The following NAV3 variants were observed in gnomAD, a reference collection of about 807,000 sequenced individuals.
The protein encoded by NAV3 is pore membrane and/or filament interacting like protein 1.
NAV3 carries 87 observed loss-of-function variants against 244.7 expected under a neutral mutation model. That is an observed-to-expected ratio of 0.36 (90% confidence interval 0.30 to 0.42). The LOEUF (loss-of-function observed/expected upper bound fraction) is 0.42, where lower values mean the gene tolerates loss of function less well. Ranked by LOEUF, NAV3 falls within the 20% of genes least tolerant of loss-of-function variation. NAV3 has a pLI of 1.00. For missense variants in NAV3, 2,663 were observed against 2,893.3 expected, an observed-to-expected ratio of 0.92 and a Z score of 1.83; for synonymous variants, 1,126 against 1,042.2, an observed-to-expected ratio of 1.08 and a Z score of -1.55.
chr12:77,951,244 C>T (rs201475719), intron 3 of NAV3, among the ~76,000 whole-genome samples: 2 of 152,152 alleles, frequency 1.3e-5, no homozygotes, highest in Non-Finnish European at 2.9e-5. Context: ...ATAACCCCAT[C>T]AACAAGTGGG....
intron 2 of NAV3, among the ~76,000 whole-genome samples, chr12:77,637,307 C>A (rs1268680959): frequency 6.6e-6 from 1 of 151,796 alleles, no homozygotes; most frequent in African/African-American, 2.4e-5. Flanking sequence ...ATTTATGAAA[C>A]TTTACTTGCA....
chr12:78,116,879 C>T lies in NAV3; in HGVS notation c.2744C>T (p.Thr915Ile), dbSNP rs1262871169. Residue 915 changes from threonine to isoleucine, a missense_variant, in exon 13 of 40, where the codon ACC becomes ATC. Thr to Ile is a moderately conservative substitution (Grantham distance 89). Transcript: ENST00000397909. Reference sequence around the variant, plus strand: ...TCTGTCAGCTCTTACTCCAACATCACCGTCCCCTCTAGGAAGAATACTCAG... The same window carrying T: ...TCTGTCAGCTCTTACTCCAACATCATCGTCCCCTCTAGGAAGAATACTCAG... Reference protein sequence around the residue: ...TSSVSSYSNITVPSRKNTQLR... With the variant: ...TSSVSSYSNIIVPSRKNTQLR... The T allele has an allele frequency of 6.2e-7, 1 of 1,612,958 alleles. No homozygotes were observed. The highest frequency in any genetic ancestry group is 8.5e-7 in the Non-Finnish European group (1 of 1,179,408).
intron 2 of NAV3, among the ~76,000 whole-genome samples, chr12:77,767,177 A>G (rs1425020687): frequency 1.3e-5 from 2 of 152,090 alleles, no homozygotes; most frequent in Non-Finnish European, 2.9e-5. Context: ...AGTTACTTGA[A>G]CTCACTAAGT....
chr12:78,071,711 C>T (rs947442551), intron 12 of NAV3, among the ~76,000 whole-genome samples: 24 of 152,202 alleles, frequency 1.6e-4, no homozygotes, highest in African/African-American at 4.1e-4. Flanking sequence ...GTTTTCCCAG[C>T]GCCATTTATT....
At chr12:77,939,887 C>A (rs1034013029) in intron 1 of NAV3, among the ~76,000 whole-genome samples, 2 of 152,148 alleles carry the variant, frequency 1.3e-5, no homozygotes, top group Non-Finnish European at 2.9e-5. Context: ...TCTCACATGA[C>A]AAATTCAATA....
chr12:77,601,823 A>G (rs1870446485), intron 2 of NAV3, among the ~76,000 whole-genome samples: 1 of 152,020 alleles, frequency 6.6e-6, no homozygotes, highest in Non-Finnish European at 1.5e-5. Context: ...GGGCTTAAGC[A>G]GTATCCATGC....
rs909886350 is a variant in NAV3 at position 77,735,920 on chromosome 12, T to G, written c.72+163654T>G. The stretch of plus-strand genomic sequence containing the variant: ...CATTTTTAATGCTACCATTCATGGG[T>G]TTAGTCTCCCTGCATCTTTCTGATG... On this transcript the variant is annotated intron_variant, in intron 2 of 8. Transcript: ENST00000550042. 3.9e-5 allele frequency among the ~76,000 whole-genome samples: 6 copies of G among 152,296 alleles called. 1 individual carries two copies. In the East Asian group the frequency reaches 1.2e-3, roughly 29 times the overall value.
At chr12:77,826,085 GA>G (rs1294593058), upstream of NAV3, among the ~76,000 whole-genome samples, 1 of 152,142 alleles carries the variant, frequency 6.6e-6, no homozygotes, top group Non-Finnish European at 1.5e-5. Context: ...TGGGAGTTCA[GA>G]ATGGTATGTT....
chr12:77,990,367 G>A (rs965421474), intron 5 of NAV3, among the ~76,000 whole-genome samples: 2 of 152,194 alleles, frequency 1.3e-5, no homozygotes, highest in African/African-American at 4.8e-5. Flanking sequence ...AGGAAAACAG[G>A]AATTAGCAAT....
intron 2 of NAV3, among the ~76,000 whole-genome samples, chr12:77,672,746 G>A (rs1302771157): frequency 6.6e-6 from 1 of 151,980 alleles, no homozygotes; most frequent in African/African-American, 2.4e-5. Context: ...CTGTTCAGGT[G>A]ACAGGTGCAC....
intron 1 of NAV3, among the ~76,000 whole-genome samples, chr12:77,900,095 G>GCA (rs1885098653): frequency 1.5e-5 from 1 of 68,414 alleles, no homozygotes; most frequent in African/African-American, 6.1e-5. Context: ...TTTTTTTTTT[G>GCA]AGTTGGAGTC....
In NAV3 at chr12:78,209,872, G is replaced by A. The variant is rs148980131; in HGVS notation, c.7039-526G>A. Among the ~76,000 whole-genome samples the A allele has an allele frequency of 1.6e-3, 245 of 152,224 alleles. 1 individual carries two copies. Among genetic ancestry groups the A allele is most frequent in the African/African-American group, 5.4e-3 (223 of 41,526 alleles). ...AAACACTCATGGTCTGCTTCATTCA[G>A]TCACCTCCTCCCGAGGTCAGCTCCT... On this transcript the variant is annotated intron_variant, in intron 39 of 39. Coordinates refer to ENST00000397909, the MANE Select transcript of NAV3 (RefSeq NM_001024383.2).
chr12:78,145,566 C>G (rs1956831956), intron 20 of NAV3, among the ~76,000 whole-genome samples: 1 of 152,092 alleles, frequency 6.6e-6, no homozygotes, highest in Non-Finnish European at 1.5e-5. Context: ...AGGGAGCTTC[C>G]CAAATGCAAT....
At chr12:77,906,752 T>G (rs190536008) in intron 1 of NAV3, among the ~76,000 whole-genome samples, 101 of 152,240 alleles carry the variant, frequency 6.6e-4, no homozygotes, top group Middle Eastern at 6.8e-3. Flanking sequence ...ACTTAATGAT[T>G]TAATTCATAT....
At chr12:77,766,526 A>G (rs370946371) in intron 2 of NAV3, among the ~76,000 whole-genome samples, 2 of 152,240 alleles carry the variant, frequency 1.3e-5, no homozygotes, top group South Asian at 2.1e-4. Flanking sequence ...AATGTTTTTA[A>G]TATTAGGAGA....
Position 77,808,946 on chromosome 12 carries a change from G to A in NAV3, c.73-131373G>A, listed in dbSNP as rs1872137057. Reference sequence around the variant, plus strand: ...AGCTGCGGTGGGCTCCGCCCAGTTCGAATTTTCCGGTGGCTTTTTTTACAC... The same window carrying A: ...AGCTGCGGTGGGCTCCGCCCAGTTCAAATTTTCCGGTGGCTTTTTTTACAC... On this transcript the variant is annotated intron_variant, in intron 2 of 8. Coordinates refer to the NAV3 transcript ENST00000550042. Among the ~76,000 whole-genome samples, 4 of 152,136 alleles carry A rather than the reference G, an allele frequency of 2.6e-5. No homozygotes were observed. The South Asian group carries it at 8.3e-4, about 32-fold the overall frequency.
At chr12:77,652,567 C>T (rs1011958684) in intron 2 of NAV3, among the ~76,000 whole-genome samples, 2 of 151,810 alleles carry the variant, frequency 1.3e-5, no homozygotes, top group African/African-American at 4.8e-5. Context: ...CCTGTAATAC[C>T]AAGAAAAAAA....
At chr12:77,808,826 A>G (rs1872126841) in intron 2 of NAV3, among the ~76,000 whole-genome samples, 1 of 152,196 alleles carries the variant, frequency 6.6e-6, no homozygotes, top group Non-Finnish European at 1.5e-5. Context: ...AGTTTTATCT[A>G]TAAGCTCCTG....
At chr12:78,152,393 TG>T (rs1391721429) in intron 22 of NAV3, among the ~76,000 whole-genome samples, 1 of 151,656 alleles carries the variant, frequency 6.6e-6, no homozygotes, top group Non-Finnish European at 1.5e-5. Flanking sequence ...GTTATAACTA[TG>T]GGGGTAAAAT....
Sources: allele counts gnomAD v4.1 joint callset (sites outside exome capture counted in the v4.1 genomes callset), GRCh38; gene constraint gnomAD v4.1.1; transcripts MANE v1.5; gene names NCBI Gene and HGNC (gene_info 2026-07-23, HGNC 2026-07-21).